Variants in ZNF875 observed in about 807,000 individuals in gnomAD.
The protein encoded by ZNF875 is HKR1, GLI-Kruppel zinc finger family member.
Under a neutral mutation model 11.2 loss-of-function variants are expected in ZNF875, and 14 were observed. The observed-to-expected ratio is 1.26, with a 90% CI of 0.83 to 1.96. ZNF875 has a LOEUF of 1.96. ZNF875 is among the 30% of genes most tolerant of loss of function. ZNF875 has a pLI of 0.00. For missense variants in ZNF875, 752 were observed against 760.4 expected, an observed-to-expected ratio of 0.99 and a Z score of 0.13; for synonymous variants, 301 against 281.1, an observed-to-expected ratio of 1.07 and a Z score of -0.71.
At chr19:37,314,419 A>C (rs751725022), upstream of ZNF875, among the ~76,000 whole-genome samples, 8 of 152,246 alleles carry the variant, frequency 5.3e-5, no homozygotes, top group Non-Finnish European at 1.0e-4. Context: ...CCCAGCTGAT[A>C]AAATCTTAAA....
upstream of ZNF875, among the ~76,000 whole-genome samples, chr19:37,317,719 T>A (rs1372616261): frequency 6.6e-6 from 1 of 152,238 alleles, no homozygotes; most frequent in Non-Finnish European, 1.5e-5. Context: ...AAGCGCTTCT[T>A]ATTGGCTAAT....
intron 2 of ZNF875, among the ~76,000 whole-genome samples, chr19:37,339,856 G>A (rs927516961): frequency 1.4e-5 from 2 of 147,610 alleles, no homozygotes; most frequent in African/African-American, 2.5e-5. Context: ...TGAGCACCGC[G>A]GCTGGCCCTG....
In ZNF875 at chr19:37,349,693, C is replaced by T. The variant is rs539081181; in HGVS notation, c.256+1821C>T. On this transcript the variant is annotated intron_variant, in intron 4 of 4. Coordinates refer to ENST00000392153, the MANE Select transcript of ZNF875 (RefSeq NM_001353803.2). Reference sequence around the variant, plus strand: ...TTATTGAGATGGAGTCTTGCTCTGTCACCCAGCCAGGAGTGCAGTGGCATG... The same window carrying T: ...TTATTGAGATGGAGTCTTGCTCTGTTACCCAGCCAGGAGTGCAGTGGCATG... Among the ~76,000 whole-genome samples the T allele has an allele frequency of 2.6e-5, 4 of 152,148 alleles. No homozygotes were observed. In the South Asian group the frequency reaches 6.2e-4, roughly 24 times the overall value.
upstream of ZNF875, among the ~76,000 whole-genome samples, chr19:37,331,093 A>C (rs2033301571): frequency 6.7e-6 from 1 of 148,702 alleles, no homozygotes; most frequent in South Asian, 2.2e-4. Flanking sequence ...AGGCTGAGAC[A>C]GGAGAATGGC....
chr19:37,363,856 G>T lies in ZNF875; in HGVS notation c.*81G>T. On this transcript the variant is annotated 3_prime_UTR_variant, in exon 5 of 5. Coordinates refer to ENST00000392153, the MANE Select transcript of ZNF875 (RefSeq NM_001353803.2). ...TCAGACACCAGAGGACACACACAGT[G>T]CTGTGGCTTTTTCAGCCATTGCTAG... 8.1e-7 allele frequency: 1 copy of T among 1,239,660 alleles called. No homozygotes were observed. The allele number at this position is 1,239,660 out of a possible 1,614,324, so 76.8% of individuals were successfully genotyped here. A position where few individuals can be genotyped will look rare whatever the true frequency, so the allele number is the denominator to read the frequency against.
intron 4 of ZNF875, among the ~76,000 whole-genome samples, chr19:37,350,202 A>G (rs549706535): frequency 2.8e-4 from 39 of 139,516 alleles, no homozygotes; most frequent in African/African-American, 9.6e-4. Flanking sequence ...ACCTCCGCCT[A>G]TCAGGTTCAA....
chr19:37,352,874 C>CTTTTTTTT (rs60469285), intron 4 of ZNF875, among the ~76,000 whole-genome samples: 1 of 87,766 alleles, frequency 1.1e-5, no homozygotes, highest in Admixed American at 1.2e-4. Flanking sequence ...ATTCTTTTTT[C>CTTTTTTTT]TTTTTTTTTT....
chr19:37,335,745 C>G (rs1327446970), intron 2 of ZNF875, among the ~76,000 whole-genome samples: 2 of 152,154 alleles, frequency 1.3e-5, no homozygotes, highest in Non-Finnish European at 2.9e-5. Context: ...AGTGATGGCT[C>G]TCAGCACATC....
chr19:37,341,174 G>A (rs920505534), intron 2 of ZNF875, among the ~76,000 whole-genome samples: 2 of 152,140 alleles, frequency 1.3e-5, no homozygotes, highest in Non-Finnish European at 2.9e-5. Flanking sequence ...TAGTCACCAC[G>A]TATTTTTCAT....
At chr19:37,345,732 T>A (rs1296875838) in intron 2 of ZNF875, among the ~76,000 whole-genome samples, 2 of 152,160 alleles carry the variant, frequency 1.3e-5, no homozygotes, top group African/African-American at 4.8e-5. Context: ...TTAATTGATA[T>A]AAACACAAGT....
chr19:37,319,568 C>T (rs1450859990), intron 1 of ZNF875, among the ~76,000 whole-genome samples: 2 of 151,814 alleles, frequency 1.3e-5, no homozygotes, highest in East Asian at 1.9e-4. Context: ...TTCTCAGCTC[C>T]CCTCTGCTTC....
At chr19:37,355,465 G>A (rs1459149946) in intron 4 of ZNF875, among the ~76,000 whole-genome samples, 1 of 152,200 alleles carries the variant, frequency 6.6e-6, no homozygotes, top group African/African-American at 2.4e-5. Flanking sequence ...TGGGATTACA[G>A]GCGTGAGCCA....
Position 37,363,242 on chromosome 19 carries a change from A to G in ZNF875, c.1390A>G (p.Asn464Asp). The G allele has an allele frequency of 6.2e-7, 1 of 1,613,944 alleles. No homozygotes were observed. The highest frequency in any genetic ancestry group is 1.3e-5 in the African/African-American group (1 of 74,974). The change falls in exon 5 of 5, where the codon AAC becomes GAC. Residue 464 changes from asparagine (N) to aspartate (D), a missense_variant. By Grantham distance (23) the Asn-to-Asp change is conservative (BLOSUM62 1). Transcript: ENST00000392153. ...CGGGCAGTGCTTTAGCCTGAAGTCA[A>G]ACCTTAACAAACACCAGAGGTCACA... ...ECGQCFSLKS[N>D]LNKHQRSHTG...
chr19:37,324,178 ACT>A, intron 3 of ZNF875: 1 of 152,224 alleles, frequency 6.6e-6, no homozygotes, highest in East Asian at 1.9e-4. Flanking sequence ...ATCACCAGTC[ACT>A]CTAAAATCCT....
At chr19:37,315,771 C>T (rs2030151232), upstream of ZNF875, among the ~76,000 whole-genome samples, 1 of 151,910 alleles carries the variant, frequency 6.6e-6, no homozygotes, top group Admixed American at 6.6e-5. Context: ...TCTTAAGGTC[C>T]ACGGTATGTG....
At chr19:37,358,130 G>GAT in intron 4 of ZNF875, 2 of 184,978 alleles carry the variant, frequency 1.1e-5, no homozygotes, top group Non-Finnish European at 1.0e-5. Flanking sequence ...CTATTAAGAT[G>GAT]ATCTTTTTTT....
intron 1 of ZNF875, among the ~76,000 whole-genome samples, chr19:37,319,499 T>G (rs1448903858): frequency 6.6e-6 from 1 of 151,850 alleles, no homozygotes; most frequent in East Asian, 1.9e-4. Context: ...CTTCATGAAG[T>G]GTGAAGATTT....
intron 2 of ZNF875, chr19:37,344,910 C>A (rs1000604727): frequency 5.9e-5 from 39 of 666,220 alleles, no homozygotes; most frequent in Non-Finnish European, 1.0e-4. Context: ...TAGGCAGATA[C>A]CTGAATAGCC....
rs1350813320 is a variant in ZNF875, at chr19:37,362,172, T to C, written c.320T>C (p.Leu107Pro). 6.2e-7 allele frequency: 1 copy of C among 1,614,178 alleles called. No individual in the cohort carries two copies. Among genetic ancestry groups the C allele is most frequent in the South Asian group, 1.1e-5 (1 of 91,074 alleles). Residue 107 changes from leucine to proline, a missense_variant, in exon 5 of 5, where the codon CTC (leucine) becomes CCC (proline). Transcript: ENST00000392153. Reference protein sequence around the residue: ...CPLIFSSQQALSQHVWLSHLS... With the variant: ...CPLIFSSQQAPSQHVWLSHLS... ...CTGATTTTCTCCAGTCAGCAAGCTC[T>C]CAGCCAACATGTGTGGCTGAGTCAT...
Sources: allele counts gnomAD v4.1 joint callset (sites outside exome capture counted in the v4.1 genomes callset), GRCh38; gene constraint gnomAD v4.1.1; transcripts MANE v1.5; gene names NCBI Gene and HGNC (gene_info 2026-07-23, HGNC 2026-07-21).